Variants in EFCAB5 observed in about 807,000 individuals in gnomAD.
EFCAB5 encodes EF-hand calcium binding domain 5, also known as EF-hand calcium-binding domain-containing protein 5.
EFCAB5 carries 131 observed loss-of-function variants against 167.9 expected under a neutral mutation model. The ratio of observed to expected loss-of-function variants is 0.78; its 90% CI spans 0.68 to 0.90. The LOEUF is 0.90. EFCAB5 is among the 40% of genes least tolerant of loss of function. EFCAB5 has a pLI of 0.00. For missense variants in EFCAB5, 1,663 were observed against 1,745.2 expected (o/e 0.95, Z 0.84); for synonymous variants, 574 against 602.8 (o/e 0.95, Z 0.70).
intron 7 of EFCAB5, among the ~76,000 whole-genome samples, chr17:30,005,733 G>A (rs1379160687): frequency 1.3e-5 from 2 of 152,092 alleles, no homozygotes; most frequent in African/African-American, 2.4e-5. Flanking sequence ...AGTAAGTGAC[G>A]ATTGTTAATG....
At chr17:29,966,698 T>C (rs2067835282) in intron 3 of EFCAB5, among the ~76,000 whole-genome samples, 1 of 152,224 alleles carries the variant, frequency 6.6e-6, no homozygotes, top group Admixed American at 6.5e-5. Context: ...TTCCATATTG[T>C]ACTCTTTGAG....
At chr17:29,981,858 C>G (rs1399644394) in intron 4 of EFCAB5, among the ~76,000 whole-genome samples, 1 of 152,068 alleles carries the variant, frequency 6.6e-6, no homozygotes, top group Non-Finnish European at 1.5e-5. Context: ...TTAATCATCA[C>G]TATTTAATGA....
Position 30,092,817 on chromosome 17 carries a change from T to G in EFCAB5, c.4225-23T>G, listed in dbSNP as rs748116572. 2.6e-6 allele frequency: 4 copies of G among 1,567,074 alleles called. No homozygotes were observed. In the African/African-American group the frequency reaches 4.1e-5, roughly 16 times the overall value. On this transcript the variant is annotated intron_variant, in intron 21 of 22. Transcript: ENST00000394835. Reference sequence around the variant, plus strand: ...TCTGCTTCCTGGTGATCCCATAAATTTTCTCTTGTTGTTTGTTCACAGTAT... The same window carrying G: ...TCTGCTTCCTGGTGATCCCATAAATGTTCTCTTGTTGTTTGTTCACAGTAT...
At chr17:30,046,429 C>CT (rs1196230164) in intron 8 of EFCAB5, among the ~76,000 whole-genome samples, 1 of 152,292 alleles carries the variant, frequency 6.6e-6, no homozygotes, top group Non-Finnish European at 1.5e-5. Context: ...AAGCTCAGGA[C>CT]TTTAAACTCT....
intron 7 of EFCAB5, among the ~76,000 whole-genome samples, chr17:30,016,824 T>A (rs1038139108): frequency 3.7e-4 from 56 of 152,168 alleles, no homozygotes; most frequent in Non-Finnish European, 7.3e-5. Context: ...GAAATTATAA[T>A]CTTAAAACTT....
At chr17:29,961,233 G>C (rs1195639151) in intron 3 of EFCAB5, among the ~76,000 whole-genome samples, 2 of 152,096 alleles carry the variant, frequency 1.3e-5, no homozygotes, top group African/African-American at 2.4e-5. Context: ...ATCTTTTCAT[G>C]TACTTATTGA....
At chr17:30,089,200 C>T (rs2151845866) in intron 19 of EFCAB5, among the ~76,000 whole-genome samples, 1 of 152,150 alleles carries the variant, frequency 6.6e-6, no homozygotes, top group East Asian at 1.9e-4. Context: ...GCCCTGGATT[C>T]TTGTGTGTAA....
intron 22 of EFCAB5, among the ~76,000 whole-genome samples, chr17:30,096,887 C>T (rs1375053164): frequency 6.8e-6 from 1 of 147,802 alleles, no homozygotes; most frequent in Non-Finnish European, 1.5e-5. Flanking sequence ...ACCATGTTGA[C>T]CAGGCTGGTC....
intron 18 of EFCAB5, among the ~76,000 whole-genome samples, chr17:30,086,511 C>T (rs1037684210): frequency 6.6e-6 from 1 of 151,652 alleles, no homozygotes; most frequent in Non-Finnish European, 1.5e-5. Context: ...TTTGGGAGGT[C>T]GAGGTGGGTG....
At chr17:29,932,840 CACATATCTA>C (rs1011142001) in intron 1 of EFCAB5, among the ~76,000 whole-genome samples, 13 of 151,908 alleles carry the variant, frequency 8.6e-5, no homozygotes, top group African/African-American at 3.1e-4. Flanking sequence ...ATTTTTGTTC[CACATATCTA>C]AGGTGATAAA....
intron 3 of EFCAB5, among the ~76,000 whole-genome samples, chr17:29,961,244 C>CGG (rs1294582054): frequency 3.9e-5 from 6 of 152,092 alleles, no homozygotes; most frequent in Admixed American, 6.6e-5. Flanking sequence ...TACTTATTGA[C>CGG]CATTTGTATA....
intron 21 of EFCAB5, among the ~76,000 whole-genome samples, 187 bp downstream of exon 21, chr17:30,092,344 G>A (rs1467773715): frequency 1.3e-5 from 2 of 152,050 alleles, no homozygotes; most frequent in Non-Finnish European, 2.9e-5. Flanking sequence ...GCTCTCCTTT[G>A]TACCCTTCCT....
intron 14 of EFCAB5, among the ~76,000 whole-genome samples, chr17:30,064,500 G>C (rs562523870): frequency 1.3e-5 from 2 of 152,256 alleles, no homozygotes; most frequent in South Asian, 2.1e-4. Flanking sequence ...GAATGAAAAA[G>C]AGTGAAGAAA....
At chr17:29,981,255 G>T (rs113854140) in intron 4 of EFCAB5, among the ~76,000 whole-genome samples, 2 of 152,068 alleles carry the variant, frequency 1.3e-5, no homozygotes, top group Non-Finnish European at 2.9e-5. Flanking sequence ...GGATGACCTT[G>T]TCCTTGCCTG....
chr17:30,092,972 C>A, intron 22 of EFCAB5, 36 bp downstream of exon 22: 1 of 1,483,448 alleles, frequency 6.7e-7, no homozygotes, highest in Non-Finnish European at 9.2e-7. Context: ...AAATCTATGC[C>A]AACAGCAATA....
At chr17:30,088,136 C>G (rs776920538) in intron 19 of EFCAB5, among the ~76,000 whole-genome samples, 6 of 151,992 alleles carry the variant, frequency 3.9e-5, no homozygotes, top group Admixed American at 6.6e-5. Flanking sequence ...ATCCTTTTTT[C>G]TTGAGAGATG....
At chr17:30,023,034 T>G (rs1259697104) in intron 7 of EFCAB5, among the ~76,000 whole-genome samples, 2 of 151,032 alleles carry the variant, frequency 1.3e-5, no homozygotes, top group African/African-American at 4.9e-5. Flanking sequence ...CAAAGCAGTG[T>G]GTAGAGGGAA....
rs1217478776 is a variant in EFCAB5 at position 30,056,053 on chromosome 17, T to C, written c.2273-11T>C. 1 of 1,613,134 alleles carries C rather than the reference T, an allele frequency of 6.2e-7. No homozygotes were observed. The highest frequency in any genetic ancestry group is 8.5e-7 in the Non-Finnish European group (1 of 1,179,424). Reference sequence around the variant, plus strand: ...GTTTGATTGGCTATGTTATGGAATGTGTTTTTACAGGTGAATTTTTTACTT... The same window carrying C: ...GTTTGATTGGCTATGTTATGGAATGCGTTTTTACAGGTGAATTTTTTACTT... On this transcript the variant is annotated splice_polypyrimidine_tract_variant and intron_variant, in intron 11 of 22. Coordinates refer to ENST00000394835, the MANE Select transcript of EFCAB5 (RefSeq NM_198529.4).
intron 14 of EFCAB5, chr17:30,073,149 G>T: frequency 1.4e-6 from 1 of 698,830 alleles, no homozygotes. Context: ...TCCAACTCCC[G>T]GACTCAAGCG....
Sources: allele counts gnomAD v4.1 joint callset (sites outside exome capture counted in the v4.1 genomes callset), GRCh38; gene constraint gnomAD v4.1.1; transcripts MANE v1.5; gene names NCBI Gene and HGNC (gene_info 2026-07-23, HGNC 2026-07-21).